MBOAT1: variants seen among roughly 807,000 people sequenced by gnomAD.
MBOAT1 encodes the protein membrane-bound glycerophospholipid O-acyltransferase 1.
A neutral mutation model predicts 64.4 loss-of-function variants in MBOAT1; 67 were observed. The observed-to-expected ratio is 1.04, with a 90% CI of 0.85 to 1.27. The LOEUF (loss-of-function observed/expected upper bound fraction) is 1.27. Among genes scored for constraint, MBOAT1 ranks in the 50% most tolerant of loss-of-function variants. The pLI, the probability that MBOAT1 is intolerant of heterozygous loss-of-function variation, is 0.00. For missense variants in MBOAT1, 563 were observed against 604.6 expected (o/e 0.93, Z 0.72); for synonymous variants, 229 against 218.9 (o/e 1.05, Z -0.41).
At chr6:20,157,713 G>A (rs1046339773) in intron 1 of MBOAT1, among the ~76,000 whole-genome samples, 30 of 151,926 alleles carry the variant, frequency 2.0e-4, no homozygotes, top group African/African-American at 6.8e-4. Context: ...GGGAGGAGCT[G>A]GGCATAAATG....
At chr6:20,154,715 T>A (rs1175363237) in intron 1 of MBOAT1, among the ~76,000 whole-genome samples, 3 of 152,112 alleles carry the variant, frequency 2.0e-5, no homozygotes, top group Non-Finnish European at 4.4e-5. Context: ...CTAGACTGAA[T>A]GAATAGCCAA....
intron 9 of MBOAT1, 131 bp downstream of exon 9, chr6:20,118,306 G>A: frequency 1.4e-6 from 1 of 704,744 alleles, no homozygotes; most frequent in Non-Finnish European, 2.4e-6. Flanking sequence ...CCAGTAGGCT[G>A]CTGAGCCTGG....
intron 1 of MBOAT1, among the ~76,000 whole-genome samples, chr6:20,161,209 G>A (rs1422672872): frequency 6.6e-6 from 1 of 152,074 alleles, no homozygotes; most frequent in Admixed American, 6.6e-5. Context: ...CAGGGATGTA[G>A]GCTGCCGCTC....
rs1158455991 is a variant in MBOAT1, at chr6:20,109,902, C to CTTTTT, written c.1210-158_1210-154dup. On this transcript the variant is annotated intron_variant, in intron 11 of 12. Transcript: ENST00000324607. ...TTTTCGACTACAAATACCATCAGGA[C>CTTTTT]TTTTTTTTTTTTTTTTTTTTTTTTT... is the stretch of plus-strand genomic sequence containing the variant. Among the ~76,000 whole-genome samples, 76 of 94,128 alleles carry CTTTTT rather than the reference C, an allele frequency of 8.1e-4. 1 individual carries two copies. Among genetic ancestry groups the CTTTTT allele is most frequent in the Non-Finnish European group, 1.2e-3 (59 of 50,916 alleles). 61.8% of individuals were successfully genotyped at this position (94,128 alleles called of 152,430 possible).
chr6:20,102,437 T>C, intron 12 of MBOAT1, 25 bp from the exon 13 acceptor site: 1 of 1,572,074 alleles, frequency 6.4e-7, no homozygotes, highest in Non-Finnish European at 8.7e-7. Context: ...ATACAAAAAT[T>C]ATATTTCAAA....
Position 20,139,434 on chromosome 6 carries a change from G to A in MBOAT1, c.419+4786C>T, listed in dbSNP as rs529614033. On this transcript the variant is annotated intron_variant, in intron 4 of 12. Coordinates refer to ENST00000324607, the MANE Select transcript of MBOAT1 (RefSeq NM_001080480.3). ...TGACCTCATCTTATCTTAACTAATT[G>A]CATCTGCAAAGACTATTTCCAAATA... is the stretch of plus-strand genomic sequence containing the variant. Among the ~76,000 whole-genome samples the A allele has an allele frequency of 5.9e-5, 9 of 151,430 alleles. No individual in the cohort carries two copies. The East Asian group carries it at 1.8e-3, about 30-fold the overall frequency.
At chr6:20,183,262 C>G (rs908677190) in intron 1 of MBOAT1, among the ~76,000 whole-genome samples, 1 of 152,184 alleles carries the variant, frequency 6.6e-6, no homozygotes, top group African/African-American at 2.4e-5. Flanking sequence ...GAGAAGTCTG[C>G]AAGGATTCTA....
At chr6:20,124,693 C>G (rs1760601607) in intron 7 of MBOAT1, 93 bp from the exon 8 acceptor site, 1 of 1,141,308 alleles carries the variant, frequency 8.8e-7, no homozygotes, top group South Asian at 1.5e-5. Context: ...AACGTTGCTC[C>G]AACAGCTGCT....
At chr6:20,124,811 T>C (rs1760605163) in intron 7 of MBOAT1, among the ~76,000 whole-genome samples, 1 of 152,186 alleles carries the variant, frequency 6.6e-6, no homozygotes, top group South Asian at 2.1e-4. Flanking sequence ...CTCTGACACT[T>C]GGGGGTTGAA....
chr6:20,101,357 T>C lies in MBOAT1; in HGVS notation c.*929A>G, dbSNP rs771420583. Among the ~76,000 whole-genome samples, 3 of 152,186 alleles carry C rather than the reference T, an allele frequency of 2.0e-5. No homozygotes were observed. The highest frequency in any genetic ancestry group is 2.9e-5 in the Non-Finnish European group (2 of 68,026). ...CAGAAGAAAAAGGGGAAAGGTTACATTCCTGGAAAGAAAATACAGCCTATT... is the reference window on the plus strand; with the variant it reads ...CAGAAGAAAAAGGGGAAAGGTTACACTCCTGGAAAGAAAATACAGCCTATT... On this transcript the variant is annotated 3_prime_UTR_variant, in exon 13 of 13. Transcript: ENST00000324607.
At position 20,119,800 on chromosome 6, in the gene MBOAT1, AT is replaced by A. The variant is rs1422086948; in HGVS notation, c.908-1261del. The stretch of plus-strand genomic sequence containing the variant: ...AATGGTTTTAATTGTGTGGGAACTA[AT>A]TCGTGAGTGACAGAGATCAATGACA... On this transcript the variant is annotated intron_variant, in intron 8 of 12. Coordinates refer to ENST00000324607, the MANE Select transcript of MBOAT1 (RefSeq NM_001080480.3). Among the ~76,000 whole-genome samples the A allele has an allele frequency of 3.9e-5, 6 of 152,170 alleles. No homozygotes were observed. In the East Asian group the frequency reaches 9.6e-4, roughly 24 times the overall value.
chr6:20,154,966 G>C (rs1446502295), intron 1 of MBOAT1, among the ~76,000 whole-genome samples: 1 of 152,212 alleles, frequency 6.6e-6, no homozygotes, highest in Non-Finnish European at 1.5e-5. Context: ...ATGGCAACTG[G>C]AAAGTCCAAA....
At chr6:20,198,103 T>A (rs1466154291) in intron 1 of MBOAT1, among the ~76,000 whole-genome samples, 2 of 151,482 alleles carry the variant, frequency 1.3e-5, no homozygotes, top group Admixed American at 6.6e-5. Flanking sequence ...TGGCAGGTGC[T>A]TGTAATCCCA....
rs1022313710 is a variant in MBOAT1 at position 20,177,690 on chromosome 6, C to T, written c.100-24921G>A. ...TCGGGAGGCTGAGGCAGGAGAACGG[C>T]GTGAACCTGGGAGGCAGAGCTTGCA... On this transcript the variant is annotated intron_variant, in intron 1 of 12. Transcript: ENST00000324607. 4.7e-5 allele frequency among the ~76,000 whole-genome samples: 7 copies of T among 148,702 alleles called. 1 individual carries two copies. The South Asian group carries it at 6.4e-4, about 14-fold the overall frequency.
chr6:20,212,443 G>A lies in MBOAT1; in HGVS notation c.-209C>T. ...GCGCAAACTTGGCTTTGGCGCTGGC[G>A]CTGCAGCCACGGGCGCCGTAGGAGG... On this transcript the variant is annotated 5_prime_UTR_variant, in exon 1 of 13. Coordinates refer to ENST00000324607, the MANE Select transcript of MBOAT1 (RefSeq NM_001080480.3). The A allele has an allele frequency of 1.8e-6, 1 of 570,230 alleles. No individual in the cohort carries two copies. Among genetic ancestry groups the A allele is most frequent in the African/African-American group, 2.0e-5 (1 of 50,950 alleles). The allele number at this position is 570,230 out of a possible 1,614,324, so 35.3% of individuals were successfully genotyped here. A position where few individuals can be genotyped will look rare whatever the true frequency, so the allele number is the denominator to read the frequency against.
intron 12 of MBOAT1, among the ~76,000 whole-genome samples, chr6:20,102,791 C>A (rs1163395872): frequency 6.6e-6 from 1 of 152,192 alleles, no homozygotes. Flanking sequence ...CACTTAATGA[C>A]ATTTCAGCCA....
chr6:20,188,205 T>C (rs1320849445), intron 1 of MBOAT1, among the ~76,000 whole-genome samples: 1 of 152,132 alleles, frequency 6.6e-6, no homozygotes, highest in South Asian at 2.1e-4. Context: ...TACACACACA[T>C]AAAAGCTGGC....
At chr6:20,184,468 C>G (rs1762593138) in intron 1 of MBOAT1, among the ~76,000 whole-genome samples, 1 of 152,084 alleles carries the variant, frequency 6.6e-6, no homozygotes, top group Admixed American at 6.5e-5. Flanking sequence ...GGACAATGAC[C>G]CTTGGGAGTG....
chr6:20,153,068 T>A (rs527848053), intron 1 of MBOAT1, among the ~76,000 whole-genome samples: 2 of 152,236 alleles, frequency 1.3e-5, no homozygotes, highest in African/African-American at 4.8e-5. Flanking sequence ...TCTCCTGACC[T>A]CCTGATCCGC....
Sources: allele counts gnomAD v4.1 joint callset (sites outside exome capture counted in the v4.1 genomes callset), GRCh38; gene constraint gnomAD v4.1.1; transcripts MANE v1.5; gene names NCBI Gene and HGNC (gene_info 2026-07-23, HGNC 2026-07-21).